Variants in AUTS2 observed in about 807,000 individuals in gnomAD.
The protein encoded by AUTS2 is autism susceptibility gene 2 protein.
Under a neutral mutation model 112.4 loss-of-function variants are expected in AUTS2, and 17 were observed. The ratio of observed to expected loss-of-function variants is 0.15; its 90% CI spans 0.10 to 0.23. The LOEUF is 0.23. AUTS2 is among the 10% of genes least tolerant of loss of function. The pLI is 1.00. For missense variants in AUTS2, 1,510 were observed against 1,701.6 expected (o/e 0.89, Z 1.98); for synonymous variants, 751 against 702.7 (o/e 1.07, Z -1.09).
At chr7:70,465,238 C>T (rs943120206) in intron 5 of AUTS2, among the ~76,000 whole-genome samples, 9 of 152,162 alleles carry the variant, frequency 5.9e-5, no homozygotes, top group African/African-American at 1.4e-4. Context: ...AACCACTTGG[C>T]TCTGTGACAT....
intron 2 of AUTS2, among the ~76,000 whole-genome samples, chr7:70,093,731 T>C (rs1804039614): frequency 6.6e-6 from 1 of 152,214 alleles, no homozygotes; most frequent in African/African-American, 2.4e-5. Context: ...CAAAAAGAAA[T>C]GACCCTTGCT....
chr7:69,736,698 T>C (rs529638607), intron 1 of AUTS2, among the ~76,000 whole-genome samples: 1 of 152,316 alleles, frequency 6.6e-6, no homozygotes, highest in Non-Finnish European at 1.5e-5. Flanking sequence ...TGTCCTGTGA[T>C]TTAGAGGACA....
At chr7:70,530,068 A>G (rs1410081821) in intron 5 of AUTS2, among the ~76,000 whole-genome samples, 12 of 152,174 alleles carry the variant, frequency 7.9e-5, no homozygotes, top group Admixed American at 7.9e-4. Context: ...GGAAGCTCTA[A>G]TGCAAGTGCG....
chr7:69,981,818 T>C lies in AUTS2; in HGVS notation c.522+82320T>C, dbSNP rs551349972. 4.6e-5 allele frequency among the ~76,000 whole-genome samples: 7 copies of C among 152,246 alleles called. No homozygotes were observed. The South Asian group carries it at 1.5e-3, about 32-fold the overall frequency. ...TAGGTCACTAAAGAGTGAAGATGAG[T>C]CAGACCCATCAAAATACATATACTC... On this transcript the variant is annotated intron_variant, in intron 2 of 18. Coordinates refer to ENST00000342771, the MANE Select transcript of AUTS2 (RefSeq NM_015570.4).
chr7:70,607,381 TAGTGGAGGTGTATGATAC>T (rs1205257858), intron 5 of AUTS2, among the ~76,000 whole-genome samples: 3 of 152,012 alleles, frequency 2.0e-5, no homozygotes, highest in Non-Finnish European at 1.5e-5. Flanking sequence ...AAAACGAACC[TAGTGGAGGTGTATGATAC>T]AGAGGATATG....
intron 1 of AUTS2, among the ~76,000 whole-genome samples, chr7:69,602,090 GTGTA>G (rs1420847408): frequency 2.7e-3 from 324 of 119,878 alleles, no homozygotes; most frequent in East Asian, 0.011. Flanking sequence ...GTGTGTGTGT[GTGTA>G]TATCTCACTT....
intron 2 of AUTS2, among the ~76,000 whole-genome samples, chr7:69,984,937 GGTTA>G (rs1798444325): frequency 6.6e-6 from 1 of 152,160 alleles, no homozygotes; most frequent in Non-Finnish European, 1.5e-5. Context: ...TTAGAATAAT[GGTTA>G]GTTAGTGACA....
At chr7:69,960,922 T>C (rs1294573768) in intron 2 of AUTS2, among the ~76,000 whole-genome samples, 2 of 152,114 alleles carry the variant, frequency 1.3e-5, no homozygotes, top group South Asian at 2.1e-4. Context: ...TTTGTTGTTT[T>C]ATAAGAGGAG....
chr7:70,760,432 T>C (rs1425970787), intron 6 of AUTS2, among the ~76,000 whole-genome samples: 1 of 152,256 alleles, frequency 6.6e-6, no homozygotes, highest in Non-Finnish European at 1.5e-5. Flanking sequence ...CCCTCCTCTG[T>C]TTTGTGCTGT....
chr7:70,418,109 GTGTC>G (rs1585122344), intron 4 of AUTS2, among the ~76,000 whole-genome samples: 1 of 151,042 alleles, frequency 6.6e-6, no homozygotes, highest in Non-Finnish European at 1.5e-5. Flanking sequence ...GTGTGTGTGT[GTGTC>G]TGTGTGTGTA....
rs560399097 is a variant in AUTS2, at chr7:70,653,902, C to G, written c.691-44667C>G. 3.5e-4 allele frequency among the ~76,000 whole-genome samples: 53 copies of G among 152,226 alleles called. No individual in the cohort carries two copies. In the East Asian group the frequency reaches 0.01, roughly 29 times the overall value. On this transcript the variant is annotated intron_variant, in intron 5 of 18. Transcript: ENST00000342771. ...GTTTTGGAAGTTTGCAAACTATGTA[C>G]TGTTTGTATAAATTAGAATGTTTCC...
At chr7:70,386,263 A>G (rs1242099440) in intron 4 of AUTS2, among the ~76,000 whole-genome samples, 1 of 152,228 alleles carries the variant, frequency 6.6e-6, no homozygotes, top group East Asian at 1.9e-4. Context: ...CTTGCAAGAC[A>G]TAAAACCAAG....
intron 4 of AUTS2, among the ~76,000 whole-genome samples, chr7:70,301,188 A>G (rs903070940): frequency 5.3e-5 from 8 of 152,200 alleles, no homozygotes; most frequent in African/African-American, 1.9e-4. Context: ...CACATCTGTT[A>G]AAGTATGAAG....
chr7:70,259,301 C>G (rs77594541), intron 4 of AUTS2, among the ~76,000 whole-genome samples: 1 of 143,812 alleles, frequency 7.0e-6, no homozygotes, highest in African/African-American at 2.5e-5. Flanking sequence ...TAGAGCTTGG[C>G]TTTTTTTTTT....
At chr7:69,728,603 G>A (rs551971109) in intron 1 of AUTS2, among the ~76,000 whole-genome samples, 1 of 151,780 alleles carries the variant, frequency 6.6e-6, no homozygotes, top group African/African-American at 2.4e-5. Context: ...AGAAAAACGG[G>A]ACAAAAAGTT....
At chr7:69,839,238 A>G (rs776593750) in intron 1 of AUTS2, among the ~76,000 whole-genome samples, 5 of 152,008 alleles carry the variant, frequency 3.3e-5, no homozygotes, top group Non-Finnish European at 5.9e-5. Context: ...TTGCTTGGAC[A>G]TTTTACAGTG....
intron 6 of AUTS2, among the ~76,000 whole-genome samples, chr7:70,759,718 C>T (rs1185675416): frequency 3.3e-5 from 5 of 152,168 alleles, no homozygotes; most frequent in Non-Finnish European, 7.3e-5. Flanking sequence ...AGCGAGCCCA[C>T]GCCTGCAGGA....
chr7:69,710,983 G>A (rs1445999424), intron 1 of AUTS2, among the ~76,000 whole-genome samples: 1 of 152,088 alleles, frequency 6.6e-6, no homozygotes. Flanking sequence ...TTTGCGTGTC[G>A]TGTCTTTTAT....
rs1479859446 is a variant in AUTS2 at position 70,764,748 on chromosome 7, A to G, written c.1215-4A>G. 6 of 727,914 alleles carry G rather than the reference A, an allele frequency of 8.2e-6. No individual in the cohort carries two copies. The highest frequency in any genetic ancestry group is 1.3e-5 in the Non-Finnish European group (5 of 394,914). 45.1% of individuals were successfully genotyped at this position (727,914 alleles called of 1,614,324 possible). A position where few individuals can be genotyped will look rare whatever the true frequency, so the allele number is the denominator to read the frequency against. On this transcript the variant is annotated splice_polypyrimidine_tract_variant and splice_region_variant and intron_variant, in intron 7 of 18. Coordinates refer to ENST00000342771, the MANE Select transcript of AUTS2 (RefSeq NM_015570.4). The stretch of plus-strand genomic sequence containing the variant: ...TTCTTTTCTTTTTTTTCTTGTTCCG[A>G]TAGCAGCAGCAGAAGCAGCACTCCA...
Sources: gnomAD v4.1 joint callset for allele counts (sites outside exome capture counted in the v4.1 genomes callset) on GRCh38, gnomAD v4.1.1 for gene constraint, MANE v1.5 for transcripts, NCBI Gene and HGNC (gene_info 2026-07-23, HGNC 2026-07-21) for gene names.